Variants in PRSS53 observed in about 807,000 individuals in gnomAD.
The protein encoded by PRSS53 is serine protease 53.
In PRSS53, 54 loss-of-function variants were observed where a neutral mutation model predicts 62.7. That is an observed-to-expected ratio of 0.86 (90% confidence interval 0.69 to 1.08). The LOEUF (loss-of-function observed/expected upper bound fraction) is 1.08. Ranked by LOEUF, PRSS53 falls within the 50% of genes least tolerant of loss-of-function variation. The probability of loss-of-function intolerance (pLI) is 0.00; values close to 1 mark genes in which losing one functional copy is unlikely to be tolerated. For synonymous variants in PRSS53, 273 were observed against 300.0 expected, an observed-to-expected ratio of 0.91 and a Z score of 0.93; for missense variants, 688 against 728.3, an observed-to-expected ratio of 0.94 and a Z score of 0.64.
chr16:31,085,331 G>A lies in PRSS53; in HGVS notation c.884-71C>T, dbSNP rs1280641761. 3.5e-6 allele frequency: 5 copies of A among 1,440,444 alleles called. No individual in the cohort carries two copies. The African/African-American group carries it at 5.7e-5, about 16-fold the overall frequency. 89.2% of individuals were successfully genotyped at this position (1,440,444 alleles called of 1,614,324 possible). A position where few individuals can be genotyped will look rare whatever the true frequency, so the allele number is the denominator to read the frequency against. ...CACTTCCCATCAAATCCTCACAGTA[G>A]CTTTTGAAATTGAATTTTGTTCCCC... On this transcript the variant is annotated intron_variant, in intron 6 of 10. Coordinates refer to ENST00000280606, the Ensembl canonical transcript of PRSS53.
intron 1 of PRSS53, chr16:31,088,179 G>T: frequency 2.4e-6 from 3 of 1,244,252 alleles, no homozygotes; most frequent in Non-Finnish European, 3.1e-6. Context: ...TAGCTTAATT[G>T]TCCTCTTAGC....
intron 1 of PRSS53, 52 bp from the exon 2 acceptor site, chr16:31,087,878 T>C: frequency 6.2e-7 from 1 of 1,609,898 alleles, no homozygotes; most frequent in Non-Finnish European, 8.5e-7. Context: ...CCTGCCTAGC[T>C]TTGGGGAGGA....
chr16:31,083,859 T>TGCCACCCACCCAC, intron 10 of PRSS53, 50 bp from the exon 11 acceptor site: 3 of 1,590,024 alleles, frequency 1.9e-6, no homozygotes, highest in Non-Finnish European at 2.6e-6. Flanking sequence ...ACGGCTTTGG[T>TGCCACCCACCCAC]CCCTCCCTCC....
At chr16:31,088,464 G>C (rs1421631813) in intron 1 of PRSS53, 1 of 1,301,248 alleles carries the variant, frequency 7.7e-7, no homozygotes, top group African/African-American at 1.5e-5. Flanking sequence ...TGACGTCATT[G>C]TGGAAGTCGA....
chr16:31,088,594 C>CA, intron 1 of PRSS53, 158 bp downstream of exon 1: 4 of 1,452,552 alleles, frequency 2.8e-6, no homozygotes, highest in Non-Finnish European at 3.6e-6. Flanking sequence ...CACAGGTGGC[C>CA]ACATATACCA....
exon 8 of PRSS53, chr16:31,084,990 C>A: frequency 6.3e-7 from 1 of 1,576,896 alleles, no homozygotes; most frequent in Non-Finnish European, 8.6e-7. Flanking sequence ...GGTCTGGTCC[C>A]CAGCCCTACG....
chr16:31,084,110 G>A lies in PRSS53; in HGVS notation c.1642+9C>T, dbSNP rs182194525. ...GCAGGGTTTGGCAGGAGGCCCCGGGGCCACATACTTATGTTGGCCAGGCAG... is the reference window on the plus strand; with the variant it reads ...GCAGGGTTTGGCAGGAGGCCCCGGGACCACATACTTATGTTGGCCAGGCAG... On this transcript the variant is annotated intron_variant, in intron 10 of 10. Coordinates refer to ENST00000280606, the Ensembl canonical transcript of PRSS53. 495 of 1,566,142 alleles carry A rather than the reference G, an allele frequency of 3.2e-4. 1 individual carries two copies. In the African/African-American group the frequency reaches 5.1e-3, roughly 16 times the overall value.
rs747104882 is a variant in PRSS53, at chr16:31,084,340, CAG to C, written c.1426-7_1426-6del. On this transcript the variant is annotated splice_region_variant and splice_polypyrimidine_tract_variant and intron_variant, in intron 9 of 10. Coordinates refer to ENST00000280606, the Ensembl canonical transcript of PRSS53. ...CAGTGGTGCCCCAGACAGGCCCTGT[CAG>C]GGGTCAGGTGACACTGGGTGACTTT... The C allele has an allele frequency of 1.9e-5, 30 of 1,609,490 alleles. No individual in the cohort carries two copies. In the East Asian group the frequency reaches 2.5e-4, roughly 13 times the overall value.
exon 4 of PRSS53, chr16:31,086,778 G>A: frequency 2.5e-6 from 4 of 1,613,316 alleles, no homozygotes; most frequent in Non-Finnish European, 3.4e-6. Context: ...GGCTGTAGTG[G>A]TTATAGGCCC....
exon 7 of PRSS53, chr16:31,085,148 T>C: frequency 6.2e-7 from 1 of 1,612,002 alleles, no homozygotes; most frequent in Non-Finnish European, 8.5e-7. Flanking sequence ...CCGCCTCCTC[T>C]GACACCAGGG....
intron 1 of PRSS53, chr16:31,088,123 C>T (rs1243692712): frequency 3.8e-5 from 52 of 1,357,008 alleles, no homozygotes; most frequent in Non-Finnish European, 4.9e-5. Context: ...CCAACTCCTG[C>T]CCCCGCCACT....
intron 1 of PRSS53, chr16:31,088,323 C>A: frequency 9.0e-7 from 1 of 1,117,098 alleles, no homozygotes; most frequent in Non-Finnish European, 1.1e-6. Flanking sequence ...TCTGAGAGCC[C>A]GCCAGAGAGA....
exon 6 of PRSS53, chr16:31,086,025 C>A (rs1237861703): frequency 6.2e-7 from 1 of 1,614,088 alleles, no homozygotes; most frequent in Non-Finnish European, 8.5e-7. Flanking sequence ...GGAAAGCTGC[C>A]CCCTGAACTC....
In PRSS53 at chr16:31,084,104, C is replaced by A; in HGVS notation, c.1642+15G>T. 6.4e-7 allele frequency: 1 copy of A among 1,558,886 alleles called. No homozygotes were observed. The highest frequency in any genetic ancestry group is 8.7e-7 in the Non-Finnish European group (1 of 1,152,150). ...GGAGAGGCAGGGTTTGGCAGGAGGC[C>A]CCGGGGCCACATACTTATGTTGGCC... On this transcript the variant is annotated intron_variant, in intron 10 of 10. Coordinates refer to ENST00000280606, the Ensembl canonical transcript of PRSS53.
At position 31,087,980 on chromosome 16, in the gene PRSS53, G is replaced by A. The variant is rs76560114; in HGVS notation, c.59-154C>T. 1.0e-5 allele frequency: 16 copies of A among 1,526,444 alleles called. No individual in the cohort carries two copies. The East Asian group carries it at 3.9e-4, about 38-fold the overall frequency. The allele number at this position is 1,526,444 out of a possible 1,614,324, so 94.6% of individuals were successfully genotyped here. On this transcript the variant is annotated intron_variant, in intron 1 of 10. Transcript: ENST00000280606. ...CCCAGAATGAAAATATTTATATGAG[G>A]CCGAGACAGCTTTTATTGGAACCTA...
exon 11 of PRSS53, chr16:31,083,553 G>A (rs759747587): frequency 3.5e-6 from 5 of 1,431,542 alleles, no homozygotes; most frequent in Non-Finnish European, 4.6e-6. Flanking sequence ...AAAGGAGGAG[G>A]AAAGCTGAGA....
chr16:31,088,196 G>A lies in PRSS53; in HGVS notation c.59-370C>T, dbSNP rs1038858789. 11 of 1,206,870 alleles carry A rather than the reference G, an allele frequency of 9.1e-6. No individual in the cohort carries two copies. The African/African-American group carries it at 1.7e-4, about 19-fold the overall frequency. 74.8% of individuals were successfully genotyped at this position (1,206,870 alleles called of 1,614,324 possible). A position where few individuals can be genotyped will look rare whatever the true frequency, so the allele number is the denominator to read the frequency against. On this transcript the variant is annotated intron_variant, in intron 1 of 10. Coordinates refer to ENST00000280606, the Ensembl canonical transcript of PRSS53. ...GCTTAATTGTCCTCTTAGCAGCAGA[G>A]GCCTAAGAGGAAGGATTAGAGGCCT...
At chr16:31,083,629 A>C in exon 11 of PRSS53, 1 of 1,512,076 alleles carries the variant, frequency 6.6e-7, no homozygotes, top group Non-Finnish European at 8.9e-7. Context: ...CAGGGTGGGG[A>C]GTGGGCACCT....
chr16:31,085,035 G>A lies in PRSS53; in HGVS notation c.1035-11C>T, dbSNP rs749708168. ...TCTGGGGCCTGGCGCCTGTGCAGAGGCAGTGTGGACGGCACCAGGTGACAG... is the reference window on the plus strand; with the variant it reads ...TCTGGGGCCTGGCGCCTGTGCAGAGACAGTGTGGACGGCACCAGGTGACAG... On this transcript the variant is annotated splice_polypyrimidine_tract_variant and intron_variant, in intron 7 of 10. Coordinates refer to ENST00000280606, the Ensembl canonical transcript of PRSS53. The A allele has an allele frequency of 1.9e-6, 3 of 1,606,184 alleles. No homozygotes were observed. Among genetic ancestry groups the A allele is most frequent in the South Asian group, 1.1e-5 (1 of 89,658 alleles).
Sources: gnomAD v4.1 joint callset for allele counts on GRCh38, gnomAD v4.1.1 for gene constraint, MANE v1.5 for transcripts, NCBI Gene and HGNC (gene_info 2026-07-23, HGNC 2026-07-21) for gene names.